The following DNAI7 variants were observed in gnomAD, a reference collection of about 807,000 sequenced individuals.
DNAI7 encodes dynein axonemal intermediate chain 7.
DNAI7 carries 78 observed loss-of-function variants against 86.6 expected under a neutral mutation model. That is an observed-to-expected ratio of 0.90 (90% CI 0.75 to 1.09). DNAI7 has a LOEUF of 1.09. DNAI7 is among the 50% of genes least tolerant of loss of function. The pLI, the probability that DNAI7 is intolerant of heterozygous loss-of-function variation, is 0.00. For synonymous variants in DNAI7, 274 were observed against 273.0 expected (o/e 1.00, Z -0.04); for missense variants, 753 against 810.2 (o/e 0.93, Z 0.86).
intron 4 of DNAI7, 30 bp from the exon 5 acceptor site, chr12:25,155,442 G>C: frequency 1.6e-6 from 2 of 1,213,508 alleles, no homozygotes; most frequent in South Asian, 1.4e-5. Flanking sequence ...ACATTGATCA[G>C]CTCTTTAATT....
At chr12:25,131,821 A>G (rs1194285195) in intron 9 of DNAI7, among the ~76,000 whole-genome samples, 2 of 152,156 alleles carry the variant, frequency 1.3e-5, no homozygotes, top group African/African-American at 4.8e-5. Flanking sequence ...CCTTCATTCA[A>G]TAAACATTCA....
chr12:25,155,109 T>C (rs1386755037), intron 5 of DNAI7, among the ~76,000 whole-genome samples: 2 of 152,208 alleles, frequency 1.3e-5, no homozygotes, highest in Non-Finnish European at 2.9e-5. Context: ...TCAAAGAATA[T>C]AAACATTTCA....
chr12:25,109,781 C>T (rs563660454), intron 15 of DNAI7, among the ~76,000 whole-genome samples: 129 of 152,152 alleles, frequency 8.5e-4, no homozygotes, highest in African/African-American at 2.8e-3. Context: ...CAGGTTCAAG[C>T]GATTCTCCTG....
intron 9 of DNAI7, among the ~76,000 whole-genome samples, chr12:25,133,747 T>C (rs1184123246): frequency 6.6e-6 from 1 of 152,218 alleles, no homozygotes; most frequent in African/African-American, 2.4e-5. Context: ...GGTGGTGAGA[T>C]ATGTTCCTGG....
intron 2 of DNAI7, among the ~76,000 whole-genome samples, chr12:25,182,838 C>T (rs1043389123): frequency 6.6e-6 from 1 of 151,798 alleles, no homozygotes; most frequent in Non-Finnish European, 1.5e-5. Context: ...GTGGGAGGAT[C>T]GCTTGAGCTC....
In DNAI7 at chr12:25,111,939, C is replaced by A; in HGVS notation, c.1612G>T (p.Glu538Ter). Residue 538 changes from glutamate (E) to a stop codon, truncating the protein, a stop_gained and splice_region_variant, in exon 14 of 16, where the codon GAA becomes TAA. Coordinates refer to ENST00000395987, the MANE Select transcript of DNAI7 (RefSeq NM_018272.5). LOFTEE classifies it high-confidence loss of function. ...VFTEIQIQIK[E>*]NLCMLSSIKL... The stretch of plus-strand genomic sequence containing the variant: ...ATTGAAGATAACATGCAGAGGTTTT[C>A]CTAGTTTAAATAAGAAAAAAGAAGC... The A allele has an allele frequency of 6.4e-7, 1 of 1,567,100 alleles. No individual in the cohort carries two copies. The highest frequency in any genetic ancestry group is 2.0e-5 in the Admixed American group (1 of 50,064).
intron 9 of DNAI7, among the ~76,000 whole-genome samples, chr12:25,144,029 C>T (rs1453491111): frequency 6.6e-6 from 1 of 152,036 alleles, no homozygotes; most frequent in Non-Finnish European, 1.5e-5. Context: ...AGATTATTTA[C>T]TGTAAGTTTC....
chr12:25,123,327 C>A, intron 9 of DNAI7, 41 bp from the exon 10 acceptor site: 1 of 1,322,708 alleles, frequency 7.6e-7, no homozygotes, highest in South Asian at 1.3e-5. Context: ...TTGTCAGTGT[C>A]TACATAGTAC....
At chr12:25,110,748 G>T (rs1298775250) in intron 14 of DNAI7, among the ~76,000 whole-genome samples, 3 of 152,054 alleles carry the variant, frequency 2.0e-5, no homozygotes, top group Non-Finnish European at 4.4e-5. Context: ...CACTATTCCG[G>T]ATCTACCTTT....
intron 2 of DNAI7, among the ~76,000 whole-genome samples, chr12:25,186,408 T>C (rs1021902789): frequency 2.6e-5 from 4 of 152,206 alleles, no homozygotes; most frequent in African/African-American, 7.2e-5. Context: ...TATCAAATGA[T>C]AGTACCAAAA....
chr12:25,153,251 A>G (rs1243581294), intron 6 of DNAI7, among the ~76,000 whole-genome samples: 3 of 152,010 alleles, frequency 2.0e-5, no homozygotes, highest in African/African-American at 7.2e-5. Context: ...GTGAAACCTC[A>G]TTTCTACTAA....
chr12:25,185,781 G>A (rs767017910), intron 2 of DNAI7: 104 of 983,534 alleles, frequency 1.1e-4, no homozygotes, highest in Non-Finnish European at 1.2e-4. Context: ...TGTGATGACA[G>A]TGTTCCTAAA....
intron 15 of DNAI7, 97 bp downstream of exon 15, chr12:25,110,030 C>T: frequency 1.5e-6 from 1 of 670,198 alleles, no homozygotes; most frequent in African/African-American, 1.8e-5. Context: ...TTTAACTTTT[C>T]TAAGAGGGGA....
At chr12:25,164,548 C>T (rs888912022) in intron 2 of DNAI7, among the ~76,000 whole-genome samples, 1 of 152,146 alleles carries the variant, frequency 6.6e-6, no homozygotes, top group Non-Finnish European at 1.5e-5. Context: ...GACAGTAGTT[C>T]CAAATAGCCA....
intron 14 of DNAI7, 66 bp from the exon 15 acceptor site, chr12:25,110,306 C>T (rs546079955): frequency 2.3e-6 from 2 of 882,710 alleles, no homozygotes; most frequent in South Asian, 2.8e-5. Context: ...CCATCTTTGG[C>T]CTCCTTCAGT....
intron 9 of DNAI7, among the ~76,000 whole-genome samples, chr12:25,126,289 A>C (rs185467606): frequency 2.9e-4 from 44 of 152,236 alleles, no homozygotes; most frequent in Admixed American, 7.2e-4. Flanking sequence ...TGAAGACTTT[A>C]AAATGTCTCC....
chr12:25,168,056 C>G (rs763734730), intron 2 of DNAI7, among the ~76,000 whole-genome samples: 4 of 152,142 alleles, frequency 2.6e-5, no homozygotes, highest in Admixed American at 6.5e-5. Context: ...CCATGAAAAT[C>G]GAACCTCCCC....
Position 25,178,723 on chromosome 12 carries a change from C to T in DNAI7, c.21+11891G>A, listed in dbSNP as rs145043612. 3.4e-3 allele frequency among the ~76,000 whole-genome samples: 513 copies of T among 152,178 alleles called. 4 individuals are homozygous for T. Among genetic ancestry groups the T allele is most frequent in the Non-Finnish European group, 4.2e-3 (287 of 67,994 alleles). ...AAGAAAGTAGGGGGACTCCAGATGG[C>T]TGGTGTAGTTGTGAAAGGGACGAAA... On this transcript the variant is annotated intron_variant, in intron 2 of 15. Transcript: ENST00000395987.
chr12:25,119,052 TAGTA>T, intron 12 of DNAI7, 89 bp downstream of exon 12: 1 of 961,102 alleles, frequency 1.0e-6, no homozygotes, highest in Non-Finnish European at 1.5e-6. Context: ...ATATGTAAGA[TAGTA>T]AGCTCAGTTA....
Sources: gnomAD v4.1 joint callset for allele counts (sites outside exome capture counted in the v4.1 genomes callset) on GRCh38, gnomAD v4.1.1 for gene constraint, MANE v1.5 for transcripts, NCBI Gene and HGNC (gene_info 2026-07-23, HGNC 2026-07-21) for gene names.